The following NBAS variants were observed in gnomAD, a reference collection of about 807,000 sequenced individuals.
The protein encoded by NBAS is NBAS subunit of NRZ tethering complex, also known as NAG/BC035112 fusion.
A neutral mutation model predicts 302.5 loss-of-function variants in NBAS; 219 were observed. The observed-to-expected ratio is 0.72, with a 90% CI of 0.65 to 0.81. The LOEUF (loss-of-function observed/expected upper bound fraction) is 0.81, where lower values mean the gene tolerates loss of function less well. NBAS is among the 30% of genes least tolerant of loss of function. NBAS has a pLI of 0.00. For missense variants in NBAS, 2,932 were observed against 2,841.6 expected, an observed-to-expected ratio of 1.03 and a Z score of -0.72; for synonymous variants, 1,118 against 1,021.6, an observed-to-expected ratio of 1.09 and a Z score of -1.80.
chr2:14,879,594 T>C, the NBAS span, among the ~76,000 whole-genome samples: 1 of 152,202 alleles, frequency 6.6e-6, no homozygotes, highest in Non-Finnish European at 1.5e-5. Flanking sequence ...TAAGGATTTA[T>C]AGGGAAGACT....
chr2:15,277,946 A>G (rs62119461), intron 42 of NBAS, among the ~76,000 whole-genome samples: 2 of 152,064 alleles, frequency 1.3e-5, no homozygotes, highest in Non-Finnish European at 2.9e-5. Flanking sequence ...CCTAATTGTA[A>G]GAGTCCTTCA....
rs1308767415 is a variant in NBAS at position 15,500,856 on chromosome 2, G to A, written c.954+3289C>T. On this transcript the variant is annotated intron_variant, in intron 11 of 51. Coordinates refer to ENST00000281513, the MANE Select transcript of NBAS (RefSeq NM_015909.4). ...GGAGAATGGCGTGAACCCGGGAGGC[G>A]GAGCTTGCAATGAGCCTAGATCGCG... Among the ~76,000 whole-genome samples the A allele has an allele frequency of 3.3e-5, 5 of 151,348 alleles. No individual in the cohort carries two copies. The South Asian group carries it at 6.3e-4, about 19-fold the overall frequency.
At chr2:15,052,861 T>C in the NBAS span, among the ~76,000 whole-genome samples, 3 of 152,306 alleles carry the variant, frequency 2.0e-5, no homozygotes, top group Admixed American at 2.0e-4. Flanking sequence ...GATGCAGGAA[T>C]CCTCAAAGTA....
chr2:14,991,575 T>G, the NBAS span, among the ~76,000 whole-genome samples: 2 of 152,182 alleles, frequency 1.3e-5, no homozygotes, highest in East Asian at 1.9e-4. Flanking sequence ...CTGTTACAAC[T>G]TTCTGCTGCC....
At chr2:15,049,468 G>A in the NBAS span, among the ~76,000 whole-genome samples, 1 of 152,184 alleles carries the variant, frequency 6.6e-6, no homozygotes, top group African/African-American at 2.4e-5. Flanking sequence ...TGGGACCCCA[G>A]GCCTCCTGAT....
intron 35 of NBAS, among the ~76,000 whole-genome samples, chr2:15,334,717 C>T (rs766672458): frequency 6.6e-6 from 1 of 152,134 alleles, no homozygotes; most frequent in Non-Finnish European, 1.5e-5. Flanking sequence ...ACAATTACAG[C>T]CAGCATATAT....
chr2:15,128,830 G>A, the NBAS span, among the ~76,000 whole-genome samples: 1 of 152,238 alleles, frequency 6.6e-6, no homozygotes, highest in African/African-American at 2.4e-5. Flanking sequence ...TTGCAAGGCT[G>A]AGGGAGCAAA....
intron 21 of NBAS, among the ~76,000 whole-genome samples, chr2:15,453,951 G>A (rs1331358642): frequency 2.0e-5 from 3 of 151,864 alleles, no homozygotes; most frequent in South Asian, 2.1e-4. Context: ...GCTAATTTTT[G>A]TATTTTTAGT....
chr2:15,226,539 A>T (rs1438635948), intron 47 of NBAS, among the ~76,000 whole-genome samples: 1 of 152,354 alleles, frequency 6.6e-6, no homozygotes, highest in East Asian at 1.9e-4. Flanking sequence ...AAGAAATTTC[A>T]TATGCACAAA....
chr2:15,071,432 C>T, the NBAS span, among the ~76,000 whole-genome samples: 6 of 152,064 alleles, frequency 3.9e-5, no homozygotes, highest in Middle Eastern at 3.4e-3. Flanking sequence ...GAGACCAGCC[C>T]GGCCAATACG....
the NBAS span, among the ~76,000 whole-genome samples, chr2:14,861,658 G>A: frequency 2.0e-5 from 3 of 152,212 alleles, no homozygotes; most frequent in Non-Finnish European, 4.4e-5. Context: ...GTTCTATTAT[G>A]TGGCAACTTA....
the NBAS span, among the ~76,000 whole-genome samples, chr2:14,963,269 AAAAT>A: frequency 1.7e-4 from 26 of 152,138 alleles, 1 homozygote; most frequent in African/African-American, 5.6e-4. Flanking sequence ...CTCCATCTCA[AAAAT>A]AAATAAATAA....
intron 42 of NBAS, among the ~76,000 whole-genome samples, chr2:15,281,938 G>T (rs1158789190): frequency 6.6e-6 from 1 of 152,056 alleles, no homozygotes; most frequent in East Asian, 1.9e-4. Context: ...CAGTATTTCT[G>T]GTTTTTAGGA....
chr2:15,532,136 T>C (rs1663246938), intron 9 of NBAS, among the ~76,000 whole-genome samples: 3 of 152,130 alleles, frequency 2.0e-5, no homozygotes, highest in Admixed American at 2.0e-4. Flanking sequence ...ATTGAAATCA[T>C]GAAATACTAT....
the NBAS span, among the ~76,000 whole-genome samples, chr2:15,040,234 C>T: frequency 0.018 from 2,785 of 152,284 alleles, 84 homozygotes; most frequent in African/African-American, 0.065. Context: ...GTCAGACACA[C>T]ACTCATTTAA....
At chr2:14,838,547 T>A in the NBAS span, among the ~76,000 whole-genome samples, 1 of 152,050 alleles carries the variant, frequency 6.6e-6, no homozygotes, top group Non-Finnish European at 1.5e-5. Flanking sequence ...GTCTTGTGGG[T>A]CTGTTTCTAT....
chr2:14,970,745 G>A, the NBAS span, among the ~76,000 whole-genome samples: 1 of 152,180 alleles, frequency 6.6e-6, no homozygotes, highest in Non-Finnish European at 1.5e-5. Flanking sequence ...TCAAATCAAA[G>A]GACAAGTCAA....
the NBAS span, among the ~76,000 whole-genome samples, chr2:14,950,780 T>C: frequency 6.6e-6 from 1 of 152,170 alleles, no homozygotes; most frequent in South Asian, 2.1e-4. Context: ...AGAAAAAACA[T>C]TTGATAAAAA....
chr2:14,900,073 A>G, the NBAS span, among the ~76,000 whole-genome samples: 1 of 152,070 alleles, frequency 6.6e-6, no homozygotes, highest in Non-Finnish European at 1.5e-5. Context: ...GTTAGAAAGA[A>G]TGGAAATGAG....
Sources: allele counts gnomAD v4.1 joint callset (sites outside exome capture counted in the v4.1 genomes callset), GRCh38; gene constraint gnomAD v4.1.1; transcripts MANE v1.5; gene names NCBI Gene and HGNC (gene_info 2026-07-23, HGNC 2026-07-21).